The following HNF4A variants were observed in gnomAD, a reference collection of about 807,000 sequenced individuals.
The protein encoded by HNF4A is hepatocyte nuclear factor 4-alpha.
A neutral mutation model predicts 52.4 loss-of-function variants in HNF4A; 15 were observed. The ratio of observed to expected loss-of-function variants is 0.29; its 90% CI spans 0.19 to 0.44. The LOEUF is 0.44. Among genes scored for constraint, HNF4A ranks in the 20% least tolerant of loss-of-function variants. The probability of loss-of-function intolerance (pLI) is 1.00; values close to 1 mark genes in which losing one functional copy is unlikely to be tolerated. For missense variants in HNF4A, 479 were observed against 647.2 expected (o/e 0.74, Z 2.82); for synonymous variants, 280 against 264.4 (o/e 1.06, Z -0.57).
chr20:44,356,853 G>A (rs1312902641), intron 1 of HNF4A, among the ~76,000 whole-genome samples: 3 of 152,192 alleles, frequency 2.0e-5, no homozygotes, highest in Non-Finnish European at 2.9e-5. Flanking sequence ...CACCCGCACA[G>A]AACTTGGTCT....
At chr20:44,398,899 TC>T (rs201225259), upstream of HNF4A, among the ~76,000 whole-genome samples, 1,100 of 152,344 alleles carry the variant, frequency 7.2e-3, 14 homozygotes, top group African/African-American at 0.025. Context: ...TTGATCACAT[TC>T]CCCGTTAAGC....
At chr20:44,378,199 T>A (rs867504017) in intron 1 of HNF4A, among the ~76,000 whole-genome samples, 8 of 152,162 alleles carry the variant, frequency 5.3e-5, no homozygotes, top group African/African-American at 1.9e-4. Context: ...CATTTATCTA[T>A]TGTATTATTT....
In HNF4A at chr20:44,401,377, G is replaced by A. The variant is rs781467980; in HGVS notation, c.5G>A (p.Arg2Gln). Reference sequence around the variant, plus strand: ...CGCGGCGTGGAGGCAGGGAGAATGCGACTCTCCAAAACCCTCGTCGACATG... The same window carrying A: ...CGCGGCGTGGAGGCAGGGAGAATGCAACTCTCCAAAACCCTCGTCGACATG... Residue 2 changes from arginine to glutamine, a missense_variant, in exon 1 of 10, where the codon CGA becomes CAA. Physicochemically the swap from Arg to Gln is conservative, Grantham distance 43. Around this residue, in one of 3 missense-constraint regions of HNF4A, gnomAD observed 90 missense variants for 105.5 expected, o/e 0.85. Coordinates refer to ENST00000316099, the MANE Select transcript of HNF4A (RefSeq NM_000457.6). 11 of 1,613,986 alleles carry A rather than the reference G, an allele frequency of 6.8e-6. No individual in the cohort carries two copies. The highest frequency in any genetic ancestry group is 4.4e-5 in the South Asian group (4 of 91,080).
chr20:44,390,797 C>A, intron 1 of HNF4A: 1 of 628,680 alleles, frequency 1.6e-6, no homozygotes, highest in Non-Finnish European at 2.9e-6. Flanking sequence ...ACCCTCATCC[C>A]CTAACCCAGG....
intron 1 of HNF4A, among the ~76,000 whole-genome samples, chr20:44,356,675 C>T (rs931308386): frequency 3.3e-5 from 5 of 152,104 alleles, no homozygotes; most frequent in East Asian, 1.9e-4. Context: ...TATGTACACA[C>T]GCGTATACGT....
intron 1 of HNF4A, among the ~76,000 whole-genome samples, chr20:44,376,289 T>C (rs2063084786): frequency 6.6e-6 from 1 of 152,056 alleles, no homozygotes; most frequent in Non-Finnish European, 1.5e-5. Context: ...ATATATAGAT[T>C]TCTAGATTTT....
chr20:44,390,938 A>C (rs1356776901), intron 1 of HNF4A, among the ~76,000 whole-genome samples: 2 of 152,248 alleles, frequency 1.3e-5, no homozygotes, highest in Middle Eastern at 3.4e-3. Flanking sequence ...CAGATCTCTT[A>C]TCTCTCTCAT....
chr20:44,429,143 G>T (rs1380287848), intron 9 of HNF4A, among the ~76,000 whole-genome samples: 1 of 152,156 alleles, frequency 6.6e-6, no homozygotes, highest in Non-Finnish European at 1.5e-5. Flanking sequence ...AGCTGGTCCG[G>T]GGTTTCATCA....
chr20:44,396,935 G>C (rs1026803421), upstream of HNF4A, among the ~76,000 whole-genome samples: 1 of 152,174 alleles, frequency 6.6e-6, no homozygotes, highest in African/African-American at 2.4e-5. Flanking sequence ...GGGAAGAGAG[G>C]CTAAGAAGCT....
chr20:44,381,864 G>T (rs1293121502), intron 1 of HNF4A, among the ~76,000 whole-genome samples: 1 of 152,186 alleles, frequency 6.6e-6, no homozygotes, highest in Non-Finnish European at 1.5e-5. Context: ...ACCCACCTCA[G>T]CCTCCCAAAG....
At chr20:44,381,949 G>T (rs2063159507) in intron 1 of HNF4A, among the ~76,000 whole-genome samples, 2 of 152,346 alleles carry the variant, frequency 1.3e-5, no homozygotes, top group South Asian at 2.1e-4. Flanking sequence ...GCAACTATAT[G>T]CTGGGCAGCT....
intron 1 of HNF4A, among the ~76,000 whole-genome samples, chr20:44,385,598 A>C (rs1218094490): frequency 6.6e-6 from 1 of 151,528 alleles, no homozygotes; most frequent in African/African-American, 2.4e-5. Context: ...CCTCCCAAGT[A>C]GCTGAAATTA....
chr20:44,410,009 G>C lies in HNF4A; in HGVS notation c.385+2534G>C, dbSNP rs571394980. 1.2e-4 allele frequency among the ~76,000 whole-genome samples: 19 copies of C among 152,266 alleles called. 1 individual carries two copies. In the East Asian group the frequency reaches 3.7e-3, roughly 29 times the overall value. On this transcript the variant is annotated intron_variant, in intron 3 of 9. Coordinates refer to ENST00000316099, the MANE Select transcript of HNF4A (RefSeq NM_000457.6). ...TGTGCCACCACACCTGGCTAATTTT[G>C]TATTTTTAGTAGAGACAGGGTTTCA...
intron 1 of HNF4A, among the ~76,000 whole-genome samples, chr20:44,371,779 C>T (rs1372574780): frequency 2.0e-5 from 3 of 152,030 alleles, no homozygotes; most frequent in East Asian, 1.9e-4. Flanking sequence ...GAGCCAAGAT[C>T]GCCACTGCAC....
At chr20:44,424,379 A>G in intron 8 of HNF4A, 125 bp downstream of exon 8, 21 of 1,492,914 alleles carry the variant, frequency 1.4e-5, no homozygotes, top group Non-Finnish European at 1.9e-5. Flanking sequence ...AAGTTGCTTA[A>G]CCTGTCTGTG....
intron 5 of HNF4A, among the ~76,000 whole-genome samples, chr20:44,415,820 G>A (rs567952683): frequency 5.5e-4 from 83 of 152,212 alleles, no homozygotes; most frequent in Admixed American, 4.6e-3. Context: ...GGCTGGACCC[G>A]GGGCCCTCTT....
At chr20:44,415,652 GA>G (rs2063653492) in intron 5 of HNF4A, among the ~76,000 whole-genome samples, 1 of 152,230 alleles carries the variant, frequency 6.6e-6, no homozygotes, top group South Asian at 2.1e-4. Context: ...GTGAGTCTGT[GA>G]AAGCTTCTGA....
chr20:44,383,398 A>C (rs1435539502), intron 1 of HNF4A, among the ~76,000 whole-genome samples: 1 of 152,222 alleles, frequency 6.6e-6, no homozygotes, highest in African/African-American at 2.4e-5. Context: ...AGGGTCACAC[A>C]GCTAGTCCAT....
At position 44,430,307 on chromosome 20, in the gene HNF4A, G is replaced by A. The variant is rs2063863200; in HGVS notation, c.*642G>A. 1 of 152,658 alleles carries A rather than the reference G, an allele frequency of 6.6e-6. No individual in the cohort carries two copies. The highest frequency in any genetic ancestry group is 2.4e-5 in the African/African-American group (1 of 41,458). The allele number at this position is 152,658 out of a possible 1,614,324, so 9.5% of individuals were successfully genotyped here. On this transcript the variant is annotated 3_prime_UTR_variant, in exon 10 of 10. Coordinates refer to ENST00000316099, the MANE Select transcript of HNF4A (RefSeq NM_000457.6). ...GGCACCAGGCAGGGTCTAGAAGGCT[G>A]TGGTGAGGGAAGACGCCTTTCTCCT... is the stretch of plus-strand genomic sequence containing the variant.
Sources: gnomAD v4.1 joint callset for allele counts (sites outside exome capture counted in the v4.1 genomes callset) on GRCh38, gnomAD v4.1.1 for gene constraint, gnomAD v4.1.1 regional missense constraint, MANE v1.5 for transcripts, NCBI Gene and HGNC (gene_info 2026-07-23, HGNC 2026-07-21) for gene names.